The following COQ5 variants were observed in gnomAD, a reference collection of about 807,000 sequenced individuals.
COQ5 encodes the protein 2-methoxy-6-polyprenyl-1,4-benzoquinol methylase, mitochondrial.
COQ5 carries 27 observed loss-of-function variants against 40.5 expected under a neutral mutation model. The observed-to-expected ratio is 0.67, with a 90% CI of 0.49 to 0.92. COQ5 has a LOEUF of 0.92. Ranked by LOEUF, COQ5 falls within the 40% of genes least tolerant of loss-of-function variation. The pLI is 0.00. For missense variants in COQ5, 409 were observed against 406.4 expected (o/e 1.01, Z -0.06); for synonymous variants, 141 against 150.0 (o/e 0.94, Z 0.44).
chr12:120,527,633 C>T (rs1465662397), intron 1 of COQ5, among the ~76,000 whole-genome samples: 1 of 152,040 alleles, frequency 6.6e-6, no homozygotes, highest in African/African-American at 2.4e-5. Flanking sequence ...TTAACTTCTT[C>T]CTTGCTTGCC....
chr12:120,509,046 C>A (rs1489993290), intron 4 of COQ5, among the ~76,000 whole-genome samples: 1 of 149,046 alleles, frequency 6.7e-6, no homozygotes, highest in Non-Finnish European at 1.5e-5. Context: ...AAAAAGTTTT[C>A]ATTCAACAAA....
At chr12:120,524,011 A>T (rs1869812189) in intron 1 of COQ5, 1 of 321,120 alleles carries the variant, frequency 3.1e-6, no homozygotes, top group Non-Finnish European at 6.4e-6. Context: ...CTCTGTTTCA[A>T]AATAAAGATG....
chr12:120,504,887 A>G lies in COQ5; in HGVS notation c.770+8T>C, dbSNP rs1220808717. ...CAATGAAGATAAAGCCCTATTAACAATGCCAACCTGGATATGAGGGGATTG... is the reference window on the plus strand; with the variant it reads ...CAATGAAGATAAAGCCCTATTAACAGTGCCAACCTGGATATGAGGGGATTG... On this transcript the variant is annotated splice_region_variant and intron_variant, in intron 5 of 6. Transcript: ENST00000288532. 5.6e-6 allele frequency: 9 copies of G among 1,613,026 alleles called. No homozygotes were observed. Among genetic ancestry groups the G allele is most frequent in the Non-Finnish European group, 7.6e-6 (9 of 1,179,154 alleles).
At position 120,504,408 on chromosome 12, in the gene COQ5, AT is replaced by A. The variant is rs33973905; in HGVS notation, c.771-328del. Among the ~76,000 whole-genome samples, 526 of 111,052 alleles carry A rather than the reference AT, an allele frequency of 4.7e-3. 2 individuals carry two copies. The highest frequency in any genetic ancestry group is 0.015 in the African/African-American group (455 of 30,360). 72.9% of individuals were successfully genotyped at this position (111,052 alleles called of 152,430 possible). A position where few individuals can be genotyped will look rare whatever the true frequency, so the allele number is the denominator to read the frequency against. On this transcript the variant is annotated intron_variant, in intron 5 of 6. Transcript: ENST00000288532. ...TTTTATGGAAAATTTCCTGATTTAAATTTTTTTTTTTTTTTTTTTTTTTTAG... is the reference window on the plus strand; with the variant it reads ...TTTTATGGAAAATTTCCTGATTTAAATTTTTTTTTTTTTTTTTTTTTTTAG...
At chr12:120,505,625 C>T (rs552271099) in intron 4 of COQ5, among the ~76,000 whole-genome samples, 35 of 151,908 alleles carry the variant, frequency 2.3e-4, no homozygotes, top group Non-Finnish European at 4.7e-4. Context: ...GGCATGATCT[C>T]GGCTCACCAC....
At chr12:120,528,841 C>T (rs1350951271) in intron 1 of COQ5, 99 bp downstream of exon 1, 2 of 1,107,722 alleles carry the variant, frequency 1.8e-6, no homozygotes, top group African/African-American at 3.1e-5. Flanking sequence ...CAGACAACAA[C>T]ACTGGAACTA....
chr12:120,509,203 T>G (rs1335552088), intron 4 of COQ5, among the ~76,000 whole-genome samples: 3 of 151,868 alleles, frequency 2.0e-5, no homozygotes, highest in Non-Finnish European at 4.4e-5. Flanking sequence ...GGTCTTCAAG[T>G]GTTTTGAACA....
chr12:120,523,060 C>T, intron 1 of COQ5: 1 of 419,040 alleles, frequency 2.4e-6, no homozygotes, highest in Non-Finnish European at 4.2e-6. Context: ...TCTTATCGGC[C>T]AGGCGCGGTG....
Position 120,529,012 on chromosome 12 carries a change from A to G in COQ5, c.130T>C (p.Ser44Pro). The change falls in exon 1 of 7, where the codon TCC becomes CCC. Residue 44 changes from serine (S) to proline (P), a missense_variant. Transcript: ENST00000288532. Reference protein sequence around the residue: ...PGDLLSARLLSQEKRAAETHF... With the variant: ...PGDLLSARLLPQEKRAAETHF... ...GTTTCCGCTGCCCGCTTCTCTTGGG[A>G]CAAGAGCCGAGCACTTAGTAGGTCC... The G allele has an allele frequency of 6.2e-7, 1 of 1,613,834 alleles. No homozygotes were observed. Among genetic ancestry groups the G allele is most frequent in the South Asian group, 1.1e-5 (1 of 91,072 alleles).
chr12:120,512,648 T>C (rs1247849768), intron 3 of COQ5, among the ~76,000 whole-genome samples: 3 of 152,062 alleles, frequency 2.0e-5, no homozygotes, highest in Non-Finnish European at 4.4e-5. Flanking sequence ...AAATTGTATA[T>C]ATAGGATGTT....
At position 120,516,804 on chromosome 12, in the gene COQ5, A is replaced by G. The variant is rs756366783; in HGVS notation, c.353-16T>C. On this transcript the variant is annotated splice_polypyrimidine_tract_variant and intron_variant, in intron 2 of 6. Transcript: ENST00000288532. ...GCAATGTCACCTGTGGGAAGCCAAC[A>G]TGAGGAAAGATGCAGACTAAAACAA... 1.3e-6 allele frequency: 2 copies of G among 1,597,994 alleles called. No individual in the cohort carries two copies. The highest frequency in any genetic ancestry group is 2.7e-5 in the African/African-American group (2 of 74,538).
At chr12:120,521,316 C>T (rs1034483868) in intron 2 of COQ5, among the ~76,000 whole-genome samples, 2 of 152,010 alleles carry the variant, frequency 1.3e-5, no homozygotes, top group Non-Finnish European at 2.9e-5. Flanking sequence ...ATCCACCCAC[C>T]GTGGCCACCC....
At chr12:120,504,678 A>T (rs943866015) in intron 5 of COQ5, 2 of 553,044 alleles carry the variant, frequency 3.6e-6, no homozygotes, top group Non-Finnish European at 6.5e-6. Flanking sequence ...ATTTTTAAAT[A>T]GGGGCTTCTA....
chr12:120,523,694 T>G (rs1274543446), intron 1 of COQ5, among the ~76,000 whole-genome samples: 1 of 152,004 alleles, frequency 6.6e-6, no homozygotes, highest in Non-Finnish European at 1.5e-5. Flanking sequence ...TCATGGTTAT[T>G]ATAATAAAAG....
At chr12:120,528,819 ATC>A in intron 1 of COQ5, 119 bp downstream of exon 1, 45 of 976,038 alleles carry the variant, frequency 4.6e-5, no homozygotes, top group Middle Eastern at 2.2e-4. Flanking sequence ...AAAAAAAAAA[ATC>A]ATAACTGCAC....
intron 3 of COQ5, among the ~76,000 whole-genome samples, chr12:120,513,127 C>T (rs1869213536): frequency 1.3e-5 from 2 of 148,944 alleles, no homozygotes; most frequent in Admixed American, 1.4e-4. Flanking sequence ...AAAGCTCCTG[C>T]CCCTAAGATC....
chr12:120,522,340 C>A lies in COQ5; in HGVS notation c.226G>T (p.Ala76Ser). ...TCATTCATCACATCATACTTCTTAGCCACACTTTCAAACACCTGATAGACT... is the reference window on the plus strand; with the variant it reads ...TCATTCATCACATCATACTTCTTAGACACACTTTCAAACACCTGATAGACT... The part of the protein sequence containing the change: ...GKVYQVFESV[A>S]KKYDVMNDMM... Residue 76 changes from alanine (A) to serine (S), a missense_variant, in exon 2 of 7, where the codon GCT (alanine) becomes TCT (serine). Coordinates refer to ENST00000288532, the MANE Select transcript of COQ5 (RefSeq NM_032314.4). 6.2e-7 allele frequency: 1 copy of A among 1,613,682 alleles called. No homozygotes were observed. Among genetic ancestry groups the A allele is most frequent in the Non-Finnish European group, 8.5e-7 (1 of 1,179,614 alleles).
chr12:120,520,984 G>A lies in COQ5; in HGVS notation c.352+1230C>T, dbSNP rs529257006. The stretch of plus-strand genomic sequence containing the variant: ...AAAAAAGAAGAAAAGGGGGTTAAAG[G>A]TTAAGCAGAAGATAAAACAGTCATT... On this transcript the variant is annotated intron_variant, in intron 2 of 6. Coordinates refer to ENST00000288532, the MANE Select transcript of COQ5 (RefSeq NM_032314.4). 9.2e-5 allele frequency among the ~76,000 whole-genome samples: 14 copies of A among 151,472 alleles called. No homozygotes were observed. The East Asian group carries it at 1.9e-3, about 21-fold the overall frequency.
rs527630225 is a variant in COQ5 at position 120,529,129 on chromosome 12, C to T, written c.13G>A (p.Gly5Arg). 8.1e-6 allele frequency: 13 copies of T among 1,613,056 alleles called. No individual in the cohort carries two copies. Among genetic ancestry groups the T allele is most frequent in the East Asian group, 6.7e-5 (3 of 44,868 alleles). Residue 5 changes from glycine to arginine, a missense_variant, in exon 1 of 7, where the codon GGG becomes AGG. Coordinates refer to ENST00000288532, the MANE Select transcript of COQ5 (RefSeq NM_032314.4). ...CAATAGCTCCATAGAGCACAGCTCC[C>T]GGGGGCCGCCATCTTGGTAGTCGAG... MAAP[G>R]SCALWSYCGR...
Sources: gnomAD v4.1 joint callset for allele counts (sites outside exome capture counted in the v4.1 genomes callset) on GRCh38, gnomAD v4.1.1 for gene constraint, MANE v1.5 for transcripts, NCBI Gene and HGNC (gene_info 2026-07-23, HGNC 2026-07-21) for gene names.